C9: variants seen among roughly 807,000 people sequenced by gnomAD.
C9 encodes the protein complement component C9.
Under a neutral mutation model 65.4 loss-of-function variants are expected in C9, and 63 were observed. The observed-to-expected ratio is 0.96, with a 90% CI of 0.79 to 1.19. The LOEUF (loss-of-function observed/expected upper bound fraction) is 1.19. C9 is among the 50% of genes most tolerant of loss of function. The pLI is 0.00. For missense variants in C9, 744 were observed against 670.1 expected (o/e 1.11, Z -1.22); for synonymous variants, 229 against 227.9 (o/e 1.00, Z -0.04).
At chr5:39,321,196 A>T (rs1220006978) in intron 5 of C9, among the ~76,000 whole-genome samples, 1 of 152,144 alleles carries the variant, frequency 6.6e-6, no homozygotes, top group African/African-American at 2.4e-5. Context: ...TTAAAAGACC[A>T]CACTATTAGA....
At chr5:39,311,565 T>A (rs1390041849) in intron 6 of C9, among the ~76,000 whole-genome samples, 188 bp from the exon 7 acceptor site, 2 of 152,156 alleles carry the variant, frequency 1.3e-5, no homozygotes, top group Non-Finnish European at 2.9e-5. Flanking sequence ...GAATGTGCAG[T>A]GACTAAAACT....
chr5:39,343,879 T>C (rs1318630348), intron 1 of C9, among the ~76,000 whole-genome samples: 1 of 136,698 alleles, frequency 7.3e-6, no homozygotes, highest in East Asian at 1.9e-4. Context: ...AATTCACTGT[T>C]CTGCAGCCTC....
At chr5:39,355,370 C>G (rs991432585) in intron 1 of C9, among the ~76,000 whole-genome samples, 3 of 152,204 alleles carry the variant, frequency 2.0e-5, no homozygotes, top group African/African-American at 7.2e-5. Context: ...AGACAGTTCT[C>G]TAACATGATT....
intron 5 of C9, among the ~76,000 whole-genome samples, chr5:39,323,750 C>T (rs182626229): frequency 7.2e-5 from 11 of 151,904 alleles, no homozygotes; most frequent in Non-Finnish European, 1.0e-4. Context: ...TTTTATCAGA[C>T]GTCAGGAACA....
At chr5:39,358,875 C>G (rs1344215392) in intron 1 of C9, among the ~76,000 whole-genome samples, 1 of 151,258 alleles carries the variant, frequency 6.6e-6, no homozygotes, top group Admixed American at 6.6e-5. Context: ...GTCCCAGCTA[C>G]TAGGGAGGCT....
At chr5:39,364,019 C>A (rs1478335486) in intron 1 of C9, among the ~76,000 whole-genome samples, 1 of 152,158 alleles carries the variant, frequency 6.6e-6, no homozygotes, top group Admixed American at 6.5e-5. Flanking sequence ...GGCATTGAAG[C>A]AGAGTGAGGG....
chr5:39,345,399 AC>A (rs1754171575), intron 1 of C9, among the ~76,000 whole-genome samples: 1 of 152,216 alleles, frequency 6.6e-6, no homozygotes. Flanking sequence ...CAGACTTTAA[AC>A]CAAAAAAGAT....
At chr5:39,348,849 G>T (rs1224069548) in intron 1 of C9, among the ~76,000 whole-genome samples, 1 of 152,092 alleles carries the variant, frequency 6.6e-6, no homozygotes, top group Non-Finnish European at 1.5e-5. Flanking sequence ...CCATAAAAAA[G>T]GATGAGTTCA....
intron 5 of C9, among the ~76,000 whole-genome samples, chr5:39,321,776 T>C (rs1031865510): frequency 2.6e-5 from 4 of 152,050 alleles, no homozygotes; most frequent in Non-Finnish European, 5.9e-5. Flanking sequence ...AATCACTATA[T>C]AATAATGAAG....
intron 5 of C9, among the ~76,000 whole-genome samples, chr5:39,328,760 G>A (rs552158279): frequency 3.5e-4 from 54 of 152,296 alleles, no homozygotes; most frequent in Non-Finnish European, 6.6e-4. Context: ...TTAGACAACT[G>A]TGATAAGATG....
chr5:39,313,869 C>T (rs1394285674), intron 6 of C9, among the ~76,000 whole-genome samples: 1 of 152,154 alleles, frequency 6.6e-6, no homozygotes. Context: ...ACACCTCAAA[C>T]TTAACCTAAC....
At chr5:39,321,561 G>A (rs1423826915) in intron 5 of C9, among the ~76,000 whole-genome samples, 3 of 151,930 alleles carry the variant, frequency 2.0e-5, no homozygotes, top group Non-Finnish European at 4.4e-5. Context: ...AATGGCAGTG[G>A]TAAGTCCTTA....
At chr5:39,324,892 AG>A (rs149181535) in intron 5 of C9, among the ~76,000 whole-genome samples, 4,485 of 152,306 alleles carry the variant, frequency 0.029, 204 homozygotes, top group African/African-American at 0.099. Context: ...GAGAAGATCA[AG>A]GGGCTTGCAT....
chr5:39,339,902 G>A (rs1004197121), intron 4 of C9, among the ~76,000 whole-genome samples: 4 of 151,752 alleles, frequency 2.6e-5, no homozygotes, highest in Admixed American at 6.6e-5. Flanking sequence ...TTCGTGATCC[G>A]CCCGCCTCGG....
At chr5:39,291,339 T>A (rs185710915) in intron 9 of C9, among the ~76,000 whole-genome samples, 2 of 151,862 alleles carry the variant, frequency 1.3e-5, no homozygotes, top group African/African-American at 2.4e-5. Context: ...AGCAATTTAA[T>A]GAATTGCAAT....
intron 9 of C9, among the ~76,000 whole-genome samples, chr5:39,303,037 A>G (rs1271316176): frequency 1.3e-5 from 2 of 152,218 alleles, no homozygotes; most frequent in East Asian, 1.9e-4. Flanking sequence ...CAGGAAGCCA[A>G]TATTGTAGCT....
At chr5:39,324,567 G>A (rs80063806) in intron 5 of C9, among the ~76,000 whole-genome samples, 4,478 of 152,222 alleles carry the variant, frequency 0.029, 206 homozygotes, top group African/African-American at 0.099. Flanking sequence ...CTCAAGAAAA[G>A]GTAGCTTTTC....
intron 5 of C9, among the ~76,000 whole-genome samples, chr5:39,321,893 T>A (rs1561342818): frequency 6.6e-6 from 1 of 152,018 alleles, no homozygotes; most frequent in Non-Finnish European, 1.5e-5. Context: ...CAAACTGCAA[T>A]AAAATAGTAG....
chr5:39,334,054 C>T (rs1405659962), intron 4 of C9, among the ~76,000 whole-genome samples: 2 of 151,978 alleles, frequency 1.3e-5, no homozygotes, highest in Admixed American at 6.5e-5. Flanking sequence ...AAGTGAGGAG[C>T]GTCTCTGCCT....
Sources: allele counts gnomAD v4.1 joint callset (sites outside exome capture counted in the v4.1 genomes callset), GRCh38; gene constraint gnomAD v4.1.1; transcripts MANE v1.5; gene names NCBI Gene and HGNC (gene_info 2026-07-23, HGNC 2026-07-21).